The following SEZ6L2 variants were observed in gnomAD, a reference collection of about 807,000 sequenced individuals.
SEZ6L2 encodes seizure 6-like protein 2.
Under a neutral mutation model 97.0 loss-of-function variants are expected in SEZ6L2, and 44 were observed. The observed-to-expected ratio is 0.45, with a 90% CI of 0.36 to 0.58. The LOEUF is 0.58. SEZ6L2 is among the 20% of genes least tolerant of loss of function. The pLI, the probability that SEZ6L2 is intolerant of heterozygous loss-of-function variation, is 0.00. For synonymous variants in SEZ6L2, 543 were observed against 546.1 expected (o/e 0.99, Z 0.08); for missense variants, 1,086 against 1,233.3 (o/e 0.88, Z 1.79).
chr16:29,886,462 T>C (rs2068142189), intron 7 of SEZ6L2, among the ~76,000 whole-genome samples: 4 of 151,026 alleles, frequency 2.6e-5, no homozygotes, highest in Admixed American at 2.6e-4. Context: ...GATCACGAGG[T>C]CAGGAGATCG....
intron 2 of SEZ6L2, 133 bp from the exon 3 acceptor site, chr16:29,897,254 C>A (rs543707075): frequency 4.1e-5 from 32 of 778,264 alleles, no homozygotes; most frequent in Non-Finnish European, 6.1e-5. Flanking sequence ...CAGCACCCCC[C>A]ACCTTTCCCT....
rs1020758418 is a variant in SEZ6L2, at chr16:29,895,736, G to A, written c.636C>T (p.Tyr212=). The change falls in exon 4 of 18, where the codon TAC becomes TAT. Residue 212 remains tyrosine, a synonymous_variant. Transcript: ENST00000617533. Reference sequence around the variant, plus strand: ...GTCCAGTTACCTGGATCTCAATGCCGTAGCCAGGGTAGACATGGATGCTGT... The same window carrying A: ...GTCCAGTTACCTGGATCTCAATGCCATAGCCAGGGTAGACATGGATGCTGT... The part of the protein sequence containing the change: ...CTYSIHVYPG[Y]GIEIQVQTLN... The A allele has an allele frequency of 5.6e-6, 9 of 1,613,176 alleles. No individual in the cohort carries two copies. The East Asian group carries it at 6.7e-5, about 12-fold the overall frequency.
rs536771996 is a variant in SEZ6L2 at position 29,892,643 on chromosome 16, T to A, written c.853+2616A>T. Among the ~76,000 whole-genome samples the A allele has an allele frequency of 2.0e-5, 3 of 152,350 alleles. No homozygotes were observed. The East Asian group carries it at 5.8e-4, about 29-fold the overall frequency. ...TGAGAATAGGATTCAGGGTGTACCC[T>A]GCATGAGGCACACAAGGCATCTGCG... On this transcript the variant is annotated intron_variant, in intron 5 of 17. Transcript: ENST00000617533.
intron 17 of SEZ6L2, 39 bp from the exon 18 acceptor site, chr16:29,871,767 TA>T (rs768381142): frequency 1.9e-5 from 31 of 1,595,312 alleles, no homozygotes; most frequent in Non-Finnish European, 2.6e-5. Flanking sequence ...TGGAGTCTGA[TA>T]GGGGTGGAAG....
intron 1 of SEZ6L2, 67 bp from the exon 2 acceptor site, chr16:29,898,051 T>C (rs1037973164): frequency 1.3e-6 from 2 of 1,597,270 alleles, no homozygotes; most frequent in Admixed American, 1.8e-5. Context: ...AGAGATATTT[T>C]CTAGAACTCT....
At position 29,893,056 on chromosome 16, in the gene SEZ6L2, G is replaced by T. The variant is rs561225898; in HGVS notation, c.853+2203C>A. Among the ~76,000 whole-genome samples the T allele has an allele frequency of 9.2e-5, 14 of 152,298 alleles. No homozygotes were observed. In the South Asian group the frequency reaches 2.9e-3, roughly 32 times the overall value. On this transcript the variant is annotated intron_variant, in intron 5 of 17. Transcript: ENST00000617533. ...TAAAACATTTCAGGCCAGGCACCATGGCTCACGCCTGTAATCTCAGCACTT... is the reference window on the plus strand; with the variant it reads ...TAAAACATTTCAGGCCAGGCACCATTGCTCACGCCTGTAATCTCAGCACTT...
Position 29,887,732 on chromosome 16 carries a change from G to A in SEZ6L2, c.1125C>T (p.Thr375=), listed in dbSNP as rs373474748. The A allele has an allele frequency of 5.5e-5, 88 of 1,613,246 alleles. No individual in the cohort carries two copies. The highest frequency in any genetic ancestry group is 7.1e-5 in the Non-Finnish European group (84 of 1,179,586). ...CAGCTGCTTCAATGACCCAACGGCA[G>A]GTGAGGTTGGGCCCTACGGCTCCCC... ...EPGGAVGPNL[T]CRWVIEAAEG... Residue 375 remains threonine (T), a synonymous_variant, in exon 7 of 18, where the codon ACC becomes ACT. Transcript: ENST00000617533.
At position 29,874,550 on chromosome 16, in the gene SEZ6L2, GTTTTTTTTTTTTTT is replaced by G. The variant is rs541095994; in HGVS notation, c.2105-835_2105-822del. ...AATATAATTCTTTGTGTGTGTGCTTGTTTTTTTTTTTTTTTTTTTTTTTTTTTTTTTTTTTTTTG... is the reference window on the plus strand; with the variant it reads ...AATATAATTCTTTGTGTGTGTGCTTGTTTTTTTTTTTTTTTTTTTTTTTTG... On this transcript the variant is annotated intron_variant, in intron 12 of 17. Transcript: ENST00000617533. 4.0e-3 allele frequency among the ~76,000 whole-genome samples: 129 copies of G among 32,568 alleles called. 7 individuals carry two copies. The highest frequency in any genetic ancestry group is 8.0e-3 in the African/African-American group (97 of 12,158). 21.4% of individuals were successfully genotyped at this position (32,568 alleles called of 152,430 possible). A position where few individuals can be genotyped will look rare whatever the true frequency, so the allele number is the denominator to read the frequency against.
At position 29,872,541 on chromosome 16, in the gene SEZ6L2, G is replaced by A; in HGVS notation, c.2528-15C>T. The A allele has an allele frequency of 6.8e-6, 11 of 1,612,638 alleles. No individual in the cohort carries two copies. Among genetic ancestry groups the A allele is most frequent in the Non-Finnish European group, 9.3e-6 (11 of 1,178,936 alleles). ...GGTCTGGGTCACTACAGGAGGAGGA[G>A]AGGCCGGTGAGCTGTGGCTGGGCCC... On this transcript the variant is annotated splice_polypyrimidine_tract_variant and intron_variant, in intron 15 of 17. Coordinates refer to ENST00000617533, the MANE Select transcript of SEZ6L2 (RefSeq NM_001243332.2).
Position 29,871,228 on chromosome 16 carries a change from G to A in SEZ6L2, c.*471C>T. On this transcript the variant is annotated 3_prime_UTR_variant, in exon 18 of 18. Transcript: ENST00000617533. Reference sequence around the variant, plus strand: ...AGAAGCAAAGGTGGAGAGACTGTGGGTTGGGGAGATGGCAGGAAGGGGGCA... The same window carrying A: ...AGAAGCAAAGGTGGAGAGACTGTGGATTGGGGAGATGGCAGGAAGGGGGCA... The A allele has an allele frequency of 4.9e-6, 1 of 203,058 alleles. No individual in the cohort carries two copies. The highest frequency in any genetic ancestry group is 5.1e-5 in the Admixed American group (1 of 19,666). The allele number at this position is 203,058 out of a possible 1,614,324, so 12.6% of individuals were successfully genotyped here. A position where few individuals can be genotyped will look rare whatever the true frequency, so the allele number is the denominator to read the frequency against.
At chr16:29,880,854 T>C (rs1234222122) in intron 8 of SEZ6L2, among the ~76,000 whole-genome samples, 1 of 151,900 alleles carries the variant, frequency 6.6e-6, no homozygotes, top group African/African-American at 2.4e-5. Flanking sequence ...CTAGATCTTC[T>C]AGGCTCAAGT....
rs1382293156 is a variant in SEZ6L2 at position 29,885,769 on chromosome 16, G to A, written c.1209-20C>T. ...ATCAGCCTGGGATGGACAGAAACGTGACCAGGAGCTCAATCTCCCTCACAA... is the reference window on the plus strand; with the variant it reads ...ATCAGCCTGGGATGGACAGAAACGTAACCAGGAGCTCAATCTCCCTCACAA... On this transcript the variant is annotated intron_variant, in intron 7 of 17. Transcript: ENST00000617533. 2.5e-6 allele frequency: 4 copies of A among 1,584,288 alleles called. No individual in the cohort carries two copies. Among genetic ancestry groups the A allele is most frequent in the African/African-American group, 1.3e-5 (1 of 74,322 alleles).
At chr16:29,878,242 T>C in intron 10 of SEZ6L2, 45 bp downstream of exon 10, 2 of 1,520,360 alleles carry the variant, frequency 1.3e-6, no homozygotes, top group Non-Finnish European at 1.8e-6. Context: ...TACCACACTT[T>C]GCTGAGCCTA....
rs78465001 is a variant in SEZ6L2, at chr16:29,890,784, T to C, written c.854-2059A>G. ...TTTTTTTTTTGAGAGGGTCTCACTC[T>C]GTCACCCAGTCTGGAGTGCAGTGGC... On this transcript the variant is annotated intron_variant, in intron 5 of 17. Transcript: ENST00000617533. 0.019 allele frequency among the ~76,000 whole-genome samples: 2,704 copies of C among 144,010 alleles called. 271 individuals are homozygous for C. The East Asian group carries it at 0.32, about 17-fold the overall frequency. 94.5% of individuals were successfully genotyped at this position (144,010 alleles called of 152,430 possible).
At chr16:29,878,556 T>C in intron 9 of SEZ6L2, 131 bp from the exon 10 acceptor site, 1 of 570,454 alleles carries the variant, frequency 1.8e-6, no homozygotes, top group South Asian at 9.4e-5. Context: ...ATCCACCTGT[T>C]TCTTTTATTC....
rs544843399 is a variant in SEZ6L2 at position 29,877,192 on chromosome 16, G to A, written c.1909+79C>T. 163 of 1,413,242 alleles carry A rather than the reference G, an allele frequency of 1.2e-4. No individual in the cohort carries two copies. In the East Asian group the frequency reaches 3.9e-3, roughly 34 times the overall value. The allele number at this position is 1,413,242 out of a possible 1,614,324, so 87.5% of individuals were successfully genotyped here. The stretch of plus-strand genomic sequence containing the variant: ...CCCAAGGCCCCGGGATAACAGGCGT[G>A]AGCCACCACGACCGGCCACCTCCCG... On this transcript the variant is annotated intron_variant, in intron 11 of 17. Coordinates refer to ENST00000617533, the MANE Select transcript of SEZ6L2 (RefSeq NM_001243332.2).
chr16:29,879,050 G>A lies in SEZ6L2; in HGVS notation c.1574-625C>T, dbSNP rs191766786. Among the ~76,000 whole-genome samples, 362 of 151,426 alleles carry A rather than the reference G, an allele frequency of 2.4e-3. 1 individual carries two copies. Among genetic ancestry groups the A allele is most frequent in the Non-Finnish European group, 4.2e-3 (288 of 67,890 alleles). On this transcript the variant is annotated intron_variant, in intron 9 of 17. Coordinates refer to ENST00000617533, the MANE Select transcript of SEZ6L2 (RefSeq NM_001243332.2). ...CCCAAGTAGCTGGGATTACAGGCAC[G>A]CACTACCATGCCCGGCTAATTTTTG...
chr16:29,895,724 G>C lies in SEZ6L2; in HGVS notation c.648C>G (p.Ile216Met). ...IHVYPGYGIEIQVQTLNLSQE... is the reference protein window; with the variant it reads ...IHVYPGYGIEMQVQTLNLSQE... ...TCACATGCTTTGGTCCAGTTACCTGGATCTCAATGCCGTAGCCAGGGTAGA... is the reference window on the plus strand; with the variant it reads ...TCACATGCTTTGGTCCAGTTACCTGCATCTCAATGCCGTAGCCAGGGTAGA... Residue 216 changes from isoleucine to methionine, a missense_variant, in exon 4 of 18, where the codon ATC (isoleucine) becomes ATG (methionine). Around this residue, in one of 2 missense-constraint regions of SEZ6L2, gnomAD observed 776 missense variants for 794.7 expected, o/e 0.98. Transcript: ENST00000617533. The C allele has an allele frequency of 6.2e-7, 1 of 1,612,648 alleles. No homozygotes were observed. Among genetic ancestry groups the C allele is most frequent in the East Asian group, 2.2e-5 (1 of 44,840 alleles).
At chr16:29,882,267 G>A (rs1360762479) in intron 8 of SEZ6L2, among the ~76,000 whole-genome samples, 8 of 151,728 alleles carry the variant, frequency 5.3e-5, no homozygotes, top group Admixed American at 3.9e-4. Context: ...CACTGTGCCC[G>A]GGTTATTTTA....
Sources: allele counts gnomAD v4.1 joint callset (sites outside exome capture counted in the v4.1 genomes callset), GRCh38; gene constraint gnomAD v4.1.1; regional missense constraint gnomAD v4.1.1; transcripts MANE v1.5; gene names NCBI Gene and HGNC (gene_info 2026-07-23, HGNC 2026-07-21).